COMMD10: variants seen among roughly 807,000 people sequenced by gnomAD.
COMMD10 encodes COMM domain-containing protein 10.
Under a neutral mutation model 28.9 loss-of-function variants are expected in COMMD10, and 33 were observed. The observed-to-expected ratio is 1.14, with a 90% CI of 0.87 to 1.53. The LOEUF (loss-of-function observed/expected upper bound fraction) is 1.53, where lower values mean the gene tolerates loss of function less well. COMMD10 is among the 40% of genes most tolerant of loss of function. COMMD10 has a pLI of 0.00. For missense variants in COMMD10, 310 were observed against 233.4 expected, an observed-to-expected ratio of 1.33 and a Z score of -2.14; for synonymous variants, 110 against 81.7, an observed-to-expected ratio of 1.35 and a Z score of -1.87.
chr5:116,246,749 A>G (rs1306603171), intron 5 of COMMD10, among the ~76,000 whole-genome samples: 2 of 152,190 alleles, frequency 1.3e-5, no homozygotes, highest in African/African-American at 4.8e-5. Flanking sequence ...AAGGATTCCT[A>G]TTAAATAAAT....
rs892592823 is a variant in COMMD10, at chr5:116,120,366, G to C, written c.400-13702G>C. ...ATTTGTGGGGCAAGGTTGGGAGGAA[G>C]ATGAGGGATAAAAGACTACACATTG... On this transcript the variant is annotated intron_variant, in intron 4 of 6. Transcript: ENST00000274458. Among the ~76,000 whole-genome samples the C allele has an allele frequency of 1.8e-4, 27 of 152,108 alleles. 1 individual carries two copies. Among genetic ancestry groups the C allele is most frequent in the Non-Finnish European group, 5.9e-5 (4 of 68,028 alleles).
chr5:116,179,340 G>C (rs943473187), intron 5 of COMMD10, among the ~76,000 whole-genome samples: 3 of 152,124 alleles, frequency 2.0e-5, no homozygotes, highest in Non-Finnish European at 4.4e-5. Context: ...GTCTGGACTA[G>C]CTGTTTAACT....
rs73257274 is a variant in COMMD10, at chr5:116,197,826, A to G, written c.510+63648A>G. Among the ~76,000 whole-genome samples, 1,208 of 152,310 alleles carry G rather than the reference A, an allele frequency of 7.9e-3. 16 individuals carry two copies. Among genetic ancestry groups the G allele is most frequent in the African/African-American group, 0.027 (1,116 of 41,566 alleles). Reference sequence around the variant, plus strand: ...ACCCTTTGAGTAGACTCCAGTTCACATAAAGAAGTACAGGGAGATTACATG... The same window carrying G: ...ACCCTTTGAGTAGACTCCAGTTCACGTAAAGAAGTACAGGGAGATTACATG... On this transcript the variant is annotated intron_variant, in intron 5 of 6. Transcript: ENST00000274458.
At chr5:116,210,347 C>T (rs1224757438) in intron 5 of COMMD10, among the ~76,000 whole-genome samples, 2 of 151,408 alleles carry the variant, frequency 1.3e-5, no homozygotes, top group South Asian at 2.1e-4. Context: ...TATATATACA[C>T]GCAAGCACAC....
At chr5:116,218,329 C>T (rs373080715) in intron 5 of COMMD10, 1 of 675,996 alleles carries the variant, frequency 1.5e-6, no homozygotes, top group East Asian at 3.0e-5. Flanking sequence ...GACATAGGCA[C>T]TGGGCGTAGG....
At chr5:116,267,570 A>C (rs954564746) in intron 5 of COMMD10, among the ~76,000 whole-genome samples, 22 of 151,900 alleles carry the variant, frequency 1.4e-4, no homozygotes, top group South Asian at 4.1e-4. Flanking sequence ...GCTACCACTG[A>C]CTTTCTTCAC....
chr5:116,233,725 A>G (rs1253064111), intron 5 of COMMD10, among the ~76,000 whole-genome samples: 1 of 152,146 alleles, frequency 6.6e-6, no homozygotes, highest in Non-Finnish European at 1.5e-5. Flanking sequence ...CCCTGAGAAG[A>G]AAGTGAGCTT....
chr5:116,142,103 T>A (rs1171698555), intron 5 of COMMD10, among the ~76,000 whole-genome samples: 1 of 151,868 alleles, frequency 6.6e-6, no homozygotes, highest in Non-Finnish European at 1.5e-5. Flanking sequence ...TCCATTTGTT[T>A]TATTTTATTT....
intron 5 of COMMD10, among the ~76,000 whole-genome samples, chr5:116,169,505 C>G (rs1385456994): frequency 6.6e-6 from 1 of 152,088 alleles, no homozygotes; most frequent in East Asian, 1.9e-4. Context: ...CAGCATTATC[C>G]TGATACCAAA....
At chr5:116,121,157 G>A (rs77834189) in intron 4 of COMMD10, among the ~76,000 whole-genome samples, 8,098 of 151,486 alleles carry the variant, frequency 0.053, 297 homozygotes, top group East Asian at 0.14. Flanking sequence ...GACAGGCCCC[G>A]TGTGTGATGT....
intron 5 of COMMD10, among the ~76,000 whole-genome samples, chr5:116,187,891 G>C (rs1748194922): frequency 6.6e-6 from 1 of 151,962 alleles, no homozygotes; most frequent in Non-Finnish European, 1.5e-5. Flanking sequence ...CATGTGTCTT[G>C]GGTAGAATTC....
Position 116,163,351 on chromosome 5 carries a change from G to A in COMMD10, c.510+29173G>A, listed in dbSNP as rs140202802. Reference sequence around the variant, plus strand: ...TGTACTTCCAGCACTTTGGGAGGCCGAGGCAGGTGGATCACCCGAGGTCAG... The same window carrying A: ...TGTACTTCCAGCACTTTGGGAGGCCAAGGCAGGTGGATCACCCGAGGTCAG... On this transcript the variant is annotated intron_variant, in intron 5 of 6. Coordinates refer to ENST00000274458, the MANE Select transcript of COMMD10 (RefSeq NM_016144.4). Among the ~76,000 whole-genome samples the A allele has an allele frequency of 2.5e-3, 373 of 150,776 alleles. 1 individual carries two copies. The highest frequency in any genetic ancestry group is 8.2e-3 in the African/African-American group (333 of 40,792).
chr5:116,239,620 A>G lies in COMMD10; in HGVS notation c.511-51897A>G, dbSNP rs1166395545. Among the ~76,000 whole-genome samples, 4 of 152,196 alleles carry G rather than the reference A, an allele frequency of 2.6e-5. No individual in the cohort carries two copies. In the East Asian group the frequency reaches 7.7e-4, roughly 29 times the overall value. ...CTTCCACGACATTTAGAAGATTCAT[A>G]AAGTGCTGGTCAAAATAATGGAAAA... On this transcript the variant is annotated intron_variant, in intron 5 of 6. Coordinates refer to ENST00000274458, the MANE Select transcript of COMMD10 (RefSeq NM_016144.4).
intron 6 of COMMD10, 34 bp downstream of exon 6, chr5:116,291,610 G>T: frequency 8.2e-7 from 1 of 1,212,606 alleles, no homozygotes; most frequent in Non-Finnish European, 1.2e-6. Flanking sequence ...CTAATATGTG[G>T]AGTTTTTTTC....
At chr5:116,159,115 T>A (rs938900742) in intron 5 of COMMD10, among the ~76,000 whole-genome samples, 1 of 152,236 alleles carries the variant, frequency 6.6e-6, no homozygotes, top group African/African-American at 2.4e-5. Context: ...AGTCATACTT[T>A]TAAAATATAA....
rs1239783672 is a variant in COMMD10 at position 116,243,762 on chromosome 5, G to A, written c.511-47755G>A. On this transcript the variant is annotated intron_variant, in intron 5 of 6. Transcript: ENST00000274458. The stretch of plus-strand genomic sequence containing the variant: ...GTAGAATCAGCTTGACCTTATTTCA[G>A]AACATCTGAGAGGCACTAAAAGCTG... Among the ~76,000 whole-genome samples, 3 of 152,100 alleles carry A rather than the reference G, an allele frequency of 2.0e-5. No individual in the cohort carries two copies. In the East Asian group the frequency reaches 5.8e-4, roughly 29 times the overall value.
chr5:116,085,407 G>C (rs1561591219), intron 1 of COMMD10: 1 of 405,482 alleles, frequency 2.5e-6, no homozygotes, highest in African/African-American at 2.1e-5. Flanking sequence ...GAAGTTCCCG[G>C]GTGCTGCCTT....
intron 5 of COMMD10, among the ~76,000 whole-genome samples, chr5:116,255,297 C>G (rs1480464703): frequency 1.3e-5 from 2 of 151,796 alleles, no homozygotes; most frequent in African/African-American, 4.9e-5. Context: ...AGTCCATTTA[C>G]ATTTAAAGTT....
Position 116,085,086 on chromosome 5 carries a change from A to G in COMMD10, c.34A>G (p.Ser12Gly). 2 of 1,610,012 alleles carry G rather than the reference A, an allele frequency of 1.2e-6. No homozygotes were observed. Among genetic ancestry groups the G allele is most frequent in the Non-Finnish European group, 1.7e-6 (2 of 1,179,010 alleles). Residue 12 changes from serine to glycine, a missense_variant, in exon 1 of 7, where the codon AGC becomes GGC. Physicochemically the swap from Ser to Gly is moderately conservative, Grantham distance 56 (BLOSUM62 0). Transcript: ENST00000274458. ...CCCCGCGGCGCTGATCCTACGGGAG[A>G]GCCCCAGGTAGCTGATCCGTTAAGC... ...AVPAALILRE[S>G]PSMKKAVSLI...
Sources: gnomAD v4.1 joint callset for allele counts (sites outside exome capture counted in the v4.1 genomes callset) on GRCh38, gnomAD v4.1.1 for gene constraint, MANE v1.5 for transcripts, NCBI Gene and HGNC (gene_info 2026-07-23, HGNC 2026-07-21) for gene names.